Variants in AVL9 observed in about 807,000 individuals in gnomAD.
The protein encoded by AVL9 is late secretory pathway protein AVL9 homolog.
AVL9 carries 49 observed loss-of-function variants against 79.2 expected under a neutral mutation model. That is an observed-to-expected ratio of 0.62 (90% CI 0.49 to 0.79). AVL9 has a LOEUF of 0.79. Among genes scored for constraint, AVL9 ranks in the 30% least tolerant of loss-of-function variants. The pLI is 0.00. For missense variants in AVL9, 682 were observed against 776.8 expected (o/e 0.88, Z 1.45); for synonymous variants, 299 against 280.6 (o/e 1.07, Z -0.65).
At chr7:32,571,172 C>T (rs1375542974) in intron 11 of AVL9, among the ~76,000 whole-genome samples, 2 of 143,112 alleles carry the variant, frequency 1.4e-5, no homozygotes, top group African/African-American at 5.3e-5. Flanking sequence ...GTGGAGGTTG[C>T]AGTGAGCCAA....
At position 32,495,730 on chromosome 7, in the gene AVL9, CG is replaced by C; in HGVS notation, c.25del (p.Asp9MetfsTer31). ...CGCCCATGGAGAAGGCCAGGAGAGG[CG>C]GGGATGGCGTCCCCCGGGGGCCCGT... is the stretch of plus-strand genomic sequence containing the variant. MEKARRGGDGVPRGPVLH... is the reference protein window; with the variant it reads MEKARRGXDGVPRGPVLH... On this transcript the variant is annotated frameshift_variant, in exon 1 of 16. Coordinates refer to ENST00000318709, the MANE Select transcript of AVL9 (RefSeq NM_015060.3). LOFTEE classifies it high-confidence loss of function. 7.9e-7 allele frequency: 1 copy of C among 1,261,344 alleles called. No homozygotes were observed. The highest frequency in any genetic ancestry group is 1.0e-6 in the Non-Finnish European group (1 of 993,042). The allele number at this position is 1,261,344 out of a possible 1,614,324, so 78.1% of individuals were successfully genotyped here. A position where few individuals can be genotyped will look rare whatever the true frequency, so the allele number is the denominator to read the frequency against.
At chr7:32,547,191 A>G (rs1424480536) in intron 3 of AVL9, among the ~76,000 whole-genome samples, 3 of 152,344 alleles carry the variant, frequency 2.0e-5, no homozygotes, top group Non-Finnish European at 4.4e-5. Flanking sequence ...TCAGGCCACA[A>G]TGCTCCTATA....
At chr7:32,500,657 G>A (rs1029292658) in intron 1 of AVL9, among the ~76,000 whole-genome samples, 9 of 151,902 alleles carry the variant, frequency 5.9e-5, no homozygotes, top group African/African-American at 1.9e-4. Flanking sequence ...AATTGCTTTT[G>A]GTGTTTTAGT....
chr7:32,518,735 G>A (rs1471646117), intron 1 of AVL9, among the ~76,000 whole-genome samples: 1 of 152,128 alleles, frequency 6.6e-6, no homozygotes, highest in African/African-American at 2.4e-5. Context: ...AGCATGTCGT[G>A]AATGATCTAG....
rs968796720 is a variant in AVL9 at position 32,503,326 on chromosome 7, A to G, written c.93+7524A>G. ...CCCCCATCTCTACTAAAAGATATAT[A>G]TATATATCTATATATATAGATATAG... On this transcript the variant is annotated intron_variant, in intron 1 of 15. Transcript: ENST00000318709. 8.0e-5 allele frequency among the ~76,000 whole-genome samples: 9 copies of G among 112,202 alleles called. No homozygotes were observed. In the South Asian group the frequency reaches 2.9e-3, roughly 36 times the overall value. 73.6% of individuals were successfully genotyped at this position (112,202 alleles called of 152,430 possible). A position where few individuals can be genotyped will look rare whatever the true frequency, so the allele number is the denominator to read the frequency against.
At chr7:32,582,168 T>G (rs1195609772) in intron 15 of AVL9, among the ~76,000 whole-genome samples, 2 of 152,232 alleles carry the variant, frequency 1.3e-5, no homozygotes, top group African/African-American at 4.8e-5. Context: ...TGCAAGAAAC[T>G]CCCAATTATC....
chr7:32,567,694 ATTTTATTTTAT>A (rs1487313631), intron 10 of AVL9, among the ~76,000 whole-genome samples: 2 of 150,926 alleles, frequency 1.3e-5, no homozygotes, highest in African/African-American at 4.9e-5. Context: ...TTTTTTATTT[ATTTTATTTTAT>A]TTTTATTTAT....
chr7:32,495,884 C>T, intron 1 of AVL9, 82 bp downstream of exon 1: 1 of 934,566 alleles, frequency 1.1e-6, no homozygotes, highest in Non-Finnish European at 1.4e-6. Flanking sequence ...TCTGTGTGCT[C>T]AGCTCGCGTC....
chr7:32,503,857 A>G (rs757160493), intron 1 of AVL9, among the ~76,000 whole-genome samples: 1 of 151,826 alleles, frequency 6.6e-6, no homozygotes, highest in Non-Finnish European at 1.5e-5. Context: ...TATGTTTTGT[A>G]TTTTTAGTAG....
chr7:32,497,336 CAAG>C (rs1786879624), intron 1 of AVL9, among the ~76,000 whole-genome samples: 1 of 151,932 alleles, frequency 6.6e-6, no homozygotes, highest in African/African-American at 2.4e-5. Context: ...GCCTGGGCAA[CAAG>C]AGCGAAAAAA....
chr7:32,582,216 C>G (rs890687427), intron 15 of AVL9, among the ~76,000 whole-genome samples: 2 of 152,218 alleles, frequency 1.3e-5, no homozygotes, highest in Non-Finnish European at 1.5e-5. Context: ...GCCCCATCTG[C>G]TTTGTCATAC....
At chr7:32,565,555 G>A (rs1324249592) in intron 10 of AVL9, among the ~76,000 whole-genome samples, 3 of 60,950 alleles carry the variant, frequency 4.9e-5, no homozygotes, top group Non-Finnish European at 9.4e-5. Flanking sequence ...GCAAAACTCC[G>A]TCTCAAAAAA....
intron 8 of AVL9, among the ~76,000 whole-genome samples, chr7:32,557,865 T>TTGTTTG (rs1554343391): frequency 0.6 from 89,066 of 148,166 alleles, 27,805 homozygotes; most frequent in Admixed American, 0.71. Flanking sequence ...TTTTTTTTTT[T>TTGTTTG]TTTTTTTTGA....
chr7:32,570,777 G>A (rs1312575916), intron 11 of AVL9, among the ~76,000 whole-genome samples: 4 of 150,910 alleles, frequency 2.7e-5, no homozygotes, highest in African/African-American at 2.4e-5. Context: ...CCGCCACCAC[G>A]CTCGGCTAAT....
At chr7:32,561,467 T>C (rs1790329937) in intron 10 of AVL9, among the ~76,000 whole-genome samples, 1 of 152,196 alleles carries the variant, frequency 6.6e-6, no homozygotes, top group Non-Finnish European at 1.5e-5. Flanking sequence ...TCTTCTCAGC[T>C]CTCTCAGCTT....
chr7:32,514,687 C>T (rs973399744), intron 1 of AVL9, among the ~76,000 whole-genome samples: 1 of 152,152 alleles, frequency 6.6e-6, no homozygotes, highest in Non-Finnish European at 1.5e-5. Flanking sequence ...AAGTCCTTTT[C>T]CTGGCTCATC....
At chr7:32,577,817 C>T (rs138832223) in intron 13 of AVL9, among the ~76,000 whole-genome samples, 10 of 152,288 alleles carry the variant, frequency 6.6e-5, no homozygotes, top group African/African-American at 2.2e-4. Flanking sequence ...TGAAGAAGGA[C>T]TTGTTAACTG....
At chr7:32,571,894 TG>T (rs1790861893) in intron 11 of AVL9, among the ~76,000 whole-genome samples, 1 of 152,200 alleles carries the variant, frequency 6.6e-6, no homozygotes, top group East Asian at 1.9e-4. Context: ...CCGGGCACAG[TG>T]GCTCACGCCT....
chr7:32,552,708 A>G (rs942219470), intron 6 of AVL9, among the ~76,000 whole-genome samples: 1 of 151,946 alleles, frequency 6.6e-6, no homozygotes, highest in Non-Finnish European at 1.5e-5. Flanking sequence ...ACTCCCAGCT[A>G]GTTGGTATTT....
Sources: allele counts gnomAD v4.1 joint callset (sites outside exome capture counted in the v4.1 genomes callset), GRCh38; gene constraint gnomAD v4.1.1; transcripts MANE v1.5; gene names NCBI Gene and HGNC (gene_info 2026-07-23, HGNC 2026-07-21).